The following PDX1 variants were observed in gnomAD, a reference collection of about 807,000 sequenced individuals.
The protein encoded by PDX1 is pancreas/duodenum homeobox protein 1.
A neutral mutation model predicts 11.1 loss-of-function variants in PDX1; 7 were observed. The ratio of observed to expected loss-of-function variants is 0.63; its 90% CI spans 0.36 to 1.19. PDX1 has a LOEUF of 1.19. Among genes scored for constraint, PDX1 ranks in the 50% most tolerant of loss-of-function variants. The pLI is 0.02. For missense variants in PDX1, 449 were observed against 412.1 expected (o/e 1.09, Z -0.78); for synonymous variants, 232 against 196.2 (o/e 1.18, Z -1.53).
chr13:27,920,492 T>C lies in PDX1; in HGVS notation c.354T>C (p.Pro118=). 1 of 1,612,318 alleles carries C rather than the reference T, an allele frequency of 6.2e-7. No individual in the cohort carries two copies. The part of the protein sequence containing the change: ...VLEEPNRVQL[P]FPWMKSTKAH... ...AGGAGCCCAACCGCGTCCAGCTGCC[T>C]TTCCCATGGATGAAGTCTACCAAAG... is the stretch of plus-strand genomic sequence containing the variant. The change falls in exon 1 of 2, where the codon CCT becomes CCC. Residue 118 remains proline (P), a synonymous_variant. Transcript: ENST00000381033.
In PDX1 at chr13:27,925,008, A is replaced by C. The variant is rs1957815058; in HGVS notation, c.*307A>C. 3 of 339,076 alleles carry C rather than the reference A, an allele frequency of 8.8e-6. No individual in the cohort carries two copies. Among genetic ancestry groups the C allele is most frequent in the Non-Finnish European group, 1.6e-5 (3 of 190,586 alleles). The allele number at this position is 339,076 out of a possible 1,614,324, so 21.0% of individuals were successfully genotyped here. ...CTGTTGCGCACATCCCTGCCCTCCTACAGCACTCCACCTTGGGACCTGTTT... is the reference window on the plus strand; with the variant it reads ...CTGTTGCGCACATCCCTGCCCTCCTCCAGCACTCCACCTTGGGACCTGTTT... On this transcript the variant is annotated 3_prime_UTR_variant, in exon 2 of 2. Transcript: ENST00000381033.
rs957680474 is a variant in PDX1, at chr13:27,926,125, G to C, written c.*1424G>C. The C allele has an allele frequency of 3.9e-5, 6 of 152,184 alleles. No individual in the cohort carries two copies. Among genetic ancestry groups the C allele is most frequent in the African/African-American group, 1.2e-4 (5 of 41,430 alleles). 9.4% of individuals were successfully genotyped at this position (152,184 alleles called of 1,614,324 possible). Reference sequence around the variant, plus strand: ...CTAACAGTTATTTACAAACAGGTCTGTGCATCCCAGGTCTGTCTTCTTTTC... The same window carrying C: ...CTAACAGTTATTTACAAACAGGTCTCTGCATCCCAGGTCTGTCTTCTTTTC... On this transcript the variant is annotated 3_prime_UTR_variant, in exon 2 of 2. Transcript: ENST00000381033.
At chr13:27,920,839 C>T (rs902958055) in intron 1 of PDX1, among the ~76,000 whole-genome samples, 2 of 152,262 alleles carry the variant, frequency 1.3e-5, no homozygotes, top group African/African-American at 4.8e-5. Context: ...AGAGCCGAGG[C>T]TGAGTCCTGC....
rs981314993 is a variant in PDX1 at position 27,924,609 on chromosome 13, G to A, written c.760G>A (p.Val254Ile). 6.8e-7 allele frequency: 1 copy of A among 1,467,208 alleles called. No homozygotes were observed. Among genetic ancestry groups the A allele is most frequent in the African/African-American group, 1.5e-5 (1 of 67,862 alleles). The allele number at this position is 1,467,208 out of a possible 1,614,324, so 90.9% of individuals were successfully genotyped here. Reference protein sequence around the residue: ...PGGAVPPAAPVAAREGRLPPG... With the variant: ...PGGAVPPAAPIAAREGRLPPG... Reference sequence around the variant, plus strand: ...AGGTGCTGTGCCGCCCGCTGCCCCCGTTGCCGCCCGAGAGGGCCGCCTGCC... The same window carrying A: ...AGGTGCTGTGCCGCCCGCTGCCCCCATTGCCGCCCGAGAGGGCCGCCTGCC... Residue 254 changes from valine to isoleucine, a missense_variant, in exon 2 of 2, where the codon GTT (valine) becomes ATT (isoleucine). Coordinates refer to ENST00000381033, the MANE Select transcript of PDX1 (RefSeq NM_000209.4). This position sits in a 1 kb window ranked among gnomAD's most constrained non-coding sequence, Gnocchi z 4.8.
Position 27,924,288 on chromosome 13 carries a change from A to G in PDX1, c.439A>G (p.Lys147Glu). The stretch of plus-strand genomic sequence containing the variant: ...CTACGCTGCGGAGCCGGAGGAGAAC[A>G]AGCGGACGCGCACGGCCTACACGCG... ...GAYAAEPEEN[K>E]RTRTAYTRAQ... Residue 147 changes from lysine (K) to glutamate (E), a missense_variant, in exon 2 of 2, where the codon AAG becomes GAG. Lys to Glu is a moderately conservative substitution (Grantham distance 56). Transcript: ENST00000381033. The surrounding 1 kb of genome is among the most constrained non-coding windows in gnomAD (Gnocchi z 4.8). 1 of 1,609,434 alleles carries G rather than the reference A, an allele frequency of 6.2e-7. No homozygotes were observed. The highest frequency in any genetic ancestry group is 1.1e-5 in the South Asian group (1 of 90,910).
In PDX1 at chr13:27,924,123, TG is replaced by T. The variant is rs1357922306; in HGVS notation, c.407-129del. 2.0e-5 allele frequency: 14 copies of T among 715,368 alleles called. No individual in the cohort carries two copies. In the East Asian group the frequency reaches 3.7e-4, roughly 19 times the overall value. The allele number at this position is 715,368 out of a possible 1,614,324, so 44.3% of individuals were successfully genotyped here. A position where few individuals can be genotyped will look rare whatever the true frequency, so the allele number is the denominator to read the frequency against. On this transcript the variant is annotated intron_variant, in intron 1 of 1. Coordinates refer to ENST00000381033, the MANE Select transcript of PDX1 (RefSeq NM_000209.4). This position sits in a 1 kb window ranked among gnomAD's most constrained non-coding sequence, Gnocchi z 4.8. ...TACACTAGGCGCTGAAATGGGATGC[TG>T]GGGCTTGGTGGCTCCGGCGGGAGCA...
chr13:27,920,569 C>T (rs755101362), intron 1 of PDX1, 25 bp downstream of exon 1: 3 of 1,612,102 alleles, frequency 1.9e-6, no homozygotes, highest in South Asian at 2.2e-5. Context: ...CCACCCCTTT[C>T]TCCTTTCCGG....
chr13:27,924,576 C>G lies in PDX1; in HGVS notation c.727C>G (p.Pro243Ala). ...GCTTCTGGCGCTGCCGCCGCCGCCG[C>G]CCCCCGGAGGTGCTGTGCCGCCCGC... ...EELLALPPPP[P>A]PGGAVPPAAP... Residue 243 changes from proline to alanine, a missense_variant, in exon 2 of 2, where the codon CCC becomes GCC. Pro to Ala is a conservative substitution (Grantham distance 27, BLOSUM62 -1). Transcript: ENST00000381033. The surrounding 1 kb of genome is among the most constrained non-coding windows in gnomAD (Gnocchi z 4.8). The G allele has an allele frequency of 6.6e-7, 1 of 1,506,018 alleles. No individual in the cohort carries two copies. Among genetic ancestry groups the G allele is most frequent in the Non-Finnish European group, 8.8e-7 (1 of 1,132,182 alleles). The allele number at this position is 1,506,018 out of a possible 1,614,324, so 93.3% of individuals were successfully genotyped here.
chr13:27,924,123 T>A lies in PDX1; in HGVS notation c.407-133T>A. On this transcript the variant is annotated intron_variant, in intron 1 of 1. Transcript: ENST00000381033. This position sits in a 1 kb window ranked among gnomAD's most constrained non-coding sequence, Gnocchi z 4.8. ...TACACTAGGCGCTGAAATGGGATGC[T>A]GGGGCTTGGTGGCTCCGGCGGGAGC... The A allele has an allele frequency of 2.8e-6, 2 of 715,484 alleles. No homozygotes were observed. Among genetic ancestry groups the A allele is most frequent in the South Asian group, 4.2e-5 (2 of 47,350 alleles). 44.3% of individuals were successfully genotyped at this position (715,484 alleles called of 1,614,324 possible). A position where few individuals can be genotyped will look rare whatever the true frequency, so the allele number is the denominator to read the frequency against.
In PDX1 at chr13:27,924,682, G is replaced by A; in HGVS notation, c.833G>A (p.Arg278Gln). The A allele has an allele frequency of 6.8e-7, 1 of 1,468,030 alleles. No individual in the cohort carries two copies. The highest frequency in any genetic ancestry group is 9.0e-7 in the Non-Finnish European group (1 of 1,115,070). The allele number at this position is 1,468,030 out of a possible 1,614,324, so 90.9% of individuals were successfully genotyped here. A position where few individuals can be genotyped will look rare whatever the true frequency, so the allele number is the denominator to read the frequency against. Residue 278 changes from arginine to glutamine, a missense_variant, in exon 2 of 2, where the codon CGG becomes CAG. Arg to Gln is a conservative substitution (Grantham distance 43, BLOSUM62 1). Transcript: ENST00000381033. The surrounding 1 kb of genome is among the most constrained non-coding windows in gnomAD (Gnocchi z 4.8). The part of the protein sequence containing the change: ...SPQPSSVAPR[R>Q]PQEPR ...CAGCCCTCCAGCGTCGCGCCTCGGC[G>A]GCCGCAGGAACCACGATGAGAGGCA...
chr13:27,923,192 A>G (rs1455768786), intron 1 of PDX1, among the ~76,000 whole-genome samples: 3 of 152,210 alleles, frequency 2.0e-5, no homozygotes, highest in African/African-American at 7.2e-5. Context: ...TTCCACAGAA[A>G]AGAAAAGATT....
Position 27,920,554 on chromosome 13 carries a change from G to A in PDX1, c.406+10G>A. 6.2e-7 allele frequency: 1 copy of A among 1,612,826 alleles called. No individual in the cohort carries two copies. On this transcript the variant is annotated intron_variant, in intron 1 of 1. Coordinates refer to ENST00000381033, the MANE Select transcript of PDX1 (RefSeq NM_000209.4). ...AAAGGCCAGTGGGCAGGTAAGCCTG[G>A]CTCCCCACCCCTTTCTCCTTTCCGG...
rs745645852 is a variant in PDX1, at chr13:27,924,262, C to T, written c.413C>T (p.Ala138Val). ...HAWKGQWAGG[A>V]YAAEPEENKR... ...CGCCCTGTGTCGCCCGCAGGCGGCG[C>T]CTACGCTGCGGAGCCGGAGGAGAAC... is the stretch of plus-strand genomic sequence containing the variant. Residue 138 changes from alanine (A) to valine (V), a missense_variant, in exon 2 of 2, where the codon GCC (alanine) becomes GTC (valine). Physicochemically the swap from Ala to Val is moderately conservative, Grantham distance 64. Transcript: ENST00000381033. This position sits in a 1 kb window ranked among gnomAD's most constrained non-coding sequence, Gnocchi z 4.8. 6.2e-7 allele frequency: 1 copy of T among 1,600,418 alleles called. No homozygotes were observed. Among genetic ancestry groups the T allele is most frequent in the Admixed American group, 1.7e-5 (1 of 58,992 alleles).
chr13:27,923,693 A>G (rs1957803151), intron 1 of PDX1, among the ~76,000 whole-genome samples: 1 of 152,254 alleles, frequency 6.6e-6, no homozygotes, highest in Non-Finnish European at 1.5e-5. Flanking sequence ...TTTAAACGAA[A>G]TAGCAGATAA....
intron 1 of PDX1, among the ~76,000 whole-genome samples, chr13:27,921,077 CACCCA>C: frequency 6.6e-6 from 1 of 152,326 alleles, no homozygotes; most frequent in African/African-American, 2.4e-5. Flanking sequence ...AAGGAAACTG[CACCCA>C]ACCCAGCAGT....
rs1296162693 is a variant in PDX1 at position 27,920,055 on chromosome 13, C to T, written c.-84C>T. On this transcript the variant is annotated 5_prime_UTR_variant, in exon 1 of 2. Transcript: ENST00000381033. ...GGGGTGGCGCCGGGAGTGGGAACGC[C>T]ACACAGTGCCAAATCCCCGGCTCCA... is the stretch of plus-strand genomic sequence containing the variant. 3.3e-6 allele frequency: 5 copies of T among 1,504,268 alleles called. No individual in the cohort carries two copies. The highest frequency in any genetic ancestry group is 3.9e-5 in the Admixed American group (2 of 50,868). The allele number at this position is 1,504,268 out of a possible 1,614,324, so 93.2% of individuals were successfully genotyped here.
Position 27,924,185 on chromosome 13 carries a change from G to A in PDX1, c.407-71G>A. 1 of 1,353,068 alleles carries A rather than the reference G, an allele frequency of 7.4e-7. No individual in the cohort carries two copies. Among genetic ancestry groups the A allele is most frequent in the Admixed American group, 2.5e-5 (1 of 40,718 alleles). The allele number at this position is 1,353,068 out of a possible 1,614,324, so 83.8% of individuals were successfully genotyped here. On this transcript the variant is annotated intron_variant, in intron 1 of 1. Transcript: ENST00000381033. The surrounding 1 kb of genome is among the most constrained non-coding windows in gnomAD (Gnocchi z 4.8). ...CTAGGGCTCCCTGGCCCCCCTTGAAGGGGTTGGGCTGCGTGGGTGGGGGCT... is the reference window on the plus strand; with the variant it reads ...CTAGGGCTCCCTGGCCCCCCTTGAAAGGGTTGGGCTGCGTGGGTGGGGGCT...
intron 1 of PDX1, among the ~76,000 whole-genome samples, chr13:27,922,698 G>A (rs546648905): frequency 9.9e-5 from 15 of 152,254 alleles, no homozygotes; most frequent in African/African-American, 3.6e-4. Flanking sequence ...GGTCCCCCGG[G>A]AATAGTGCAC....
At chr13:27,923,047 G>A (rs752007025) in intron 1 of PDX1, among the ~76,000 whole-genome samples, 1 of 152,110 alleles carries the variant, frequency 6.6e-6, no homozygotes, top group South Asian at 2.1e-4. Context: ...ACACACACTC[G>A]CCTTTCAATT....
Sources: gnomAD v4.1 joint callset for allele counts (sites outside exome capture counted in the v4.1 genomes callset) on GRCh38, gnomAD v4.1.1 for gene constraint, Gnocchi (gnomAD v3.1) non-coding constraint, MANE v1.5 for transcripts, NCBI Gene and HGNC (gene_info 2026-07-23, HGNC 2026-07-21) for gene names.